The following DNAJB1 variants were observed in gnomAD, a reference collection of about 807,000 sequenced individuals.
The protein encoded by DNAJB1 is DnaJ heat shock protein family (Hsp40) member B1.
Under a neutral mutation model 24.0 loss-of-function variants are expected in DNAJB1, and 14 were observed. The ratio of observed to expected loss-of-function variants is 0.58; its 90% CI spans 0.39 to 0.91. The LOEUF (loss-of-function observed/expected upper bound fraction) is 0.91, where lower values mean the gene tolerates loss of function less well. Among genes scored for constraint, DNAJB1 ranks in the 40% least tolerant of loss-of-function variants. DNAJB1 has a pLI of 0.00. For synonymous variants in DNAJB1, 262 were observed against 174.4 expected (o/e 1.50, Z -3.96); for missense variants, 517 against 458.1 (o/e 1.13, Z -1.17).
intron 1 of DNAJB1, among the ~76,000 whole-genome samples, chr19:14,556,116 C>T (rs933607481): frequency 2.2e-4 from 34 of 152,342 alleles, no homozygotes; most frequent in African/African-American, 7.9e-4. Flanking sequence ...ACCGCCACAT[C>T]ACCTTTCTGC....
intron 1 of DNAJB1, among the ~76,000 whole-genome samples, chr19:14,547,563 T>C (rs1568410902): frequency 6.6e-6 from 1 of 152,126 alleles, no homozygotes; most frequent in Admixed American, 6.6e-5. Flanking sequence ...GTTTTCACCA[T>C]GTTAGCTAGG....
At chr19:14,520,239 T>C (rs554707928), upstream of DNAJB1, among the ~76,000 whole-genome samples, 1 of 152,284 alleles carries the variant, frequency 6.6e-6, no homozygotes, top group Admixed American at 6.5e-5. Flanking sequence ...AGTGGTGGGC[T>C]CTTCAGCCAT....
upstream of DNAJB1, among the ~76,000 whole-genome samples, chr19:14,522,683 GAC>G (rs56121204): frequency 0.081 from 9,535 of 117,710 alleles, 384 homozygotes; most frequent in East Asian, 0.12. Flanking sequence ...CACACACACA[GAC>G]ACACACACAC....
intron 2 of DNAJB1, among the ~76,000 whole-genome samples, chr19:14,523,760 G>C (rs1172933959): frequency 6.6e-6 from 1 of 152,158 alleles, no homozygotes; most frequent in Non-Finnish European, 1.5e-5. Context: ...TGGGATCACA[G>C]GTGCCTGCCA....
chr19:14,544,490 G>T (rs770983816), intron 1 of DNAJB1, among the ~76,000 whole-genome samples: 1 of 152,122 alleles, frequency 6.6e-6, no homozygotes, highest in Non-Finnish European at 1.5e-5. Context: ...CATGATCTCG[G>T]GGTGTGCGGC....
upstream of DNAJB1, chr19:14,530,556 A>G (rs187889314): frequency 2.3e-4 from 35 of 152,326 alleles, no homozygotes; most frequent in East Asian, 6.4e-3. Flanking sequence ...GTTACCTTGT[A>G]TAAGAACTAT....
At chr19:14,558,566 C>T (rs2146620878) in intron 1 of DNAJB1, among the ~76,000 whole-genome samples, 1 of 152,294 alleles carries the variant, frequency 6.6e-6, no homozygotes, top group Non-Finnish European at 1.5e-5. Context: ...ATCACAGAGC[C>T]ACAGGCCGGC....
intron 1 of DNAJB1, among the ~76,000 whole-genome samples, chr19:14,555,830 C>T (rs1568420520): frequency 6.6e-6 from 1 of 152,192 alleles, no homozygotes; most frequent in Non-Finnish European, 1.5e-5. Context: ...AAGTGATCAT[C>T]CTGTCTCAGC....
chr19:14,544,114 A>G (rs73002851), intron 1 of DNAJB1, among the ~76,000 whole-genome samples: 50,381 of 151,602 alleles, frequency 0.33, 9,039 homozygotes, highest in Non-Finnish European at 0.42. Context: ...TCCCTATCCA[A>G]ATACTGGTGT....
At chr19:14,543,301 GGT>G (rs146995590) in intron 1 of DNAJB1, among the ~76,000 whole-genome samples, 42,938 of 132,394 alleles carry the variant, frequency 0.32, 7,900 homozygotes, top group Non-Finnish European at 0.4. Flanking sequence ...GTGGGGTGGG[GGT>G]GTGTGTGTGT....
At chr19:14,553,775 T>C (rs2073622734), upstream of DNAJB1, among the ~76,000 whole-genome samples, 1 of 152,108 alleles carries the variant, frequency 6.6e-6, no homozygotes, top group African/African-American at 2.4e-5. Context: ...CCGACCTCTA[T>C]GCTGGGCATT....
At chr19:14,552,870 G>C (rs896443841), upstream of DNAJB1, among the ~76,000 whole-genome samples, 2 of 152,016 alleles carry the variant, frequency 1.3e-5, no homozygotes, top group African/African-American at 4.8e-5. Flanking sequence ...GTGAGGCCTG[G>C]GTGGCAGTCT....
At chr19:14,547,875 T>C (rs1385418187) in intron 1 of DNAJB1, among the ~76,000 whole-genome samples, 6 of 151,402 alleles carry the variant, frequency 4.0e-5, no homozygotes, top group Admixed American at 6.6e-5. Context: ...TTGCCCAGGT[T>C]GGTCTTGGGT....
chr19:14,516,234 G>A, intron 2 of DNAJB1, 64 bp from the exon 3 acceptor site: 13 of 1,578,580 alleles, frequency 8.2e-6, no homozygotes, highest in Non-Finnish European at 1.1e-5. Context: ...CTTGCCCAGA[G>A]GCCGTCTGCC....
chr19:14,516,817 G>A lies in DNAJB1; in HGVS notation c.441C>T (p.Gly147=), dbSNP rs770562091. The A allele has an allele frequency of 1.9e-6, 3 of 1,613,728 alleles. No homozygotes were observed. Among genetic ancestry groups the A allele is most frequent in the East Asian group, 4.5e-5 (2 of 44,878 alleles). ...CGGGCTCTTGGGCAGAGCGGGAGCG[G>A]CCAAAGTTCACGTTGGTGAAGCCAC... is the stretch of plus-strand genomic sequence containing the variant. ...GMGGFTNVNF[G]RSRSAQEPAR... is the part of the protein sequence containing the mutation. Residue 147 remains glycine, a synonymous_variant, in exon 2 of 3, where the codon GGC becomes GGT. Coordinates refer to ENST00000254322, the MANE Select transcript of DNAJB1 (RefSeq NM_006145.3).
intron 1 of DNAJB1, among the ~76,000 whole-genome samples, chr19:14,557,114 C>CTTAT (rs3050003): frequency 0.31 from 43,282 of 139,964 alleles, 7,225 homozygotes; most frequent in East Asian, 0.65. Context: ...TTGGTCTAAT[C>CTTAT]TTATTTATTT....
At chr19:14,523,138 G>A (rs2072381174), upstream of DNAJB1, among the ~76,000 whole-genome samples, 2 of 151,676 alleles carry the variant, frequency 1.3e-5, no homozygotes, top group African/African-American at 4.8e-5. Flanking sequence ...CCTGGGAGGT[G>A]GAGGTTGCAG....
chr19:14,525,570 G>A (rs2072411011), intron 2 of DNAJB1, among the ~76,000 whole-genome samples: 1 of 152,174 alleles, frequency 6.6e-6, no homozygotes, highest in South Asian at 2.1e-4. Flanking sequence ...AGGCTCAAAA[G>A]GCTGCATGAT....
exon 1 of DNAJB1, among the ~76,000 whole-genome samples, chr19:14,550,210 G>A (rs2073449231): frequency 6.6e-6 from 1 of 152,044 alleles, no homozygotes; most frequent in South Asian, 2.1e-4. Flanking sequence ...TTCCTTACCT[G>A]CAAAAGAGGA....
Sources: allele counts gnomAD v4.1 joint callset (sites outside exome capture counted in the v4.1 genomes callset), GRCh38; gene constraint gnomAD v4.1.1; transcripts MANE v1.5; gene names NCBI Gene and HGNC (gene_info 2026-07-23, HGNC 2026-07-21).